The following IGSF11 variants were observed in gnomAD, a reference collection of about 807,000 sequenced individuals.
The protein encoded by IGSF11 is immunoglobulin superfamily member 11.
IGSF11 carries 22 observed loss-of-function variants against 41.0 expected under a neutral mutation model. The ratio of observed to expected loss-of-function variants is 0.54; its 90% CI spans 0.38 to 0.77. The LOEUF (loss-of-function observed/expected upper bound fraction) is 0.77. IGSF11 is among the 30% of genes least tolerant of loss of function. IGSF11 has a pLI of 0.00. For missense variants in IGSF11, 444 were observed against 530.8 expected, an observed-to-expected ratio of 0.84 and a Z score of 1.61; for synonymous variants, 219 against 201.3, an observed-to-expected ratio of 1.09 and a Z score of -0.74.
At position 118,904,744 on chromosome 3, in the gene IGSF11, A is replaced by G. The variant is rs1363031775; in HGVS notation, c.758T>C (p.Ile253Thr). 6.2e-7 allele frequency: 1 copy of G among 1,613,784 alleles called. No individual in the cohort carries two copies. Among genetic ancestry groups the G allele is most frequent in the Middle Eastern group, 1.7e-4 (1 of 6,060 alleles). ...AATTAGTGCAATGCAAAAAATGATA[A>G]TAACTGCACCAGTGCCAATGGCTCC... is the stretch of plus-strand genomic sequence containing the variant. ...IAGAIGTGAVIIIFCIALILG... is the reference protein window; with the variant it reads ...IAGAIGTGAVTIIFCIALILG... Residue 253 changes from isoleucine to threonine, a missense_variant, in exon 6 of 7, where the codon ATT (isoleucine) becomes ACT (threonine). Ile to Thr is a moderately conservative substitution (Grantham distance 89). Coordinates refer to ENST00000393775, the MANE Select transcript of IGSF11 (RefSeq NM_001015887.3).
chr3:119,069,221 C>A (rs1329968708), intron 1 of IGSF11, among the ~76,000 whole-genome samples: 1 of 152,112 alleles, frequency 6.6e-6, no homozygotes, highest in Non-Finnish European at 1.5e-5. Flanking sequence ...AGCCACTGTG[C>A]CTGGCCAACA....
chr3:118,959,851 T>TC (rs981807278), intron 1 of IGSF11, among the ~76,000 whole-genome samples: 1 of 151,722 alleles, frequency 6.6e-6, no homozygotes, highest in Non-Finnish European at 1.5e-5. Context: ...ATCGAGACCA[T>TC]CCTGGCTAAA....
chr3:119,106,129 C>T (rs1009332840), upstream of IGSF11, among the ~76,000 whole-genome samples: 5 of 152,182 alleles, frequency 3.3e-5, no homozygotes, highest in Admixed American at 2.6e-4. Context: ...TATTTTGATA[C>T]AGGCATACAA....
At chr3:118,955,558 C>T (rs1460841081) in intron 1 of IGSF11, among the ~76,000 whole-genome samples, 1 of 152,102 alleles carries the variant, frequency 6.6e-6, no homozygotes, top group East Asian at 1.9e-4. Flanking sequence ...TTGTACAGCT[C>T]CATCAGCACT....
intron 1 of IGSF11, among the ~76,000 whole-genome samples, chr3:118,958,271 G>GA (rs1344664774): frequency 1.3e-5 from 2 of 152,100 alleles, no homozygotes; most frequent in Non-Finnish European, 2.9e-5. Context: ...TTCCATAAAA[G>GA]AAGAAAGAAA....
At chr3:119,111,877 G>A (rs1429406087) in intron 1 of IGSF11, among the ~76,000 whole-genome samples, 9 of 152,208 alleles carry the variant, frequency 5.9e-5, no homozygotes, top group Non-Finnish European at 1.2e-4. Flanking sequence ...GTTTGCCTGG[G>A]TATCAGCAGC....
intron 1 of IGSF11, among the ~76,000 whole-genome samples, chr3:119,025,698 T>C (rs1204670724): frequency 6.6e-6 from 1 of 151,910 alleles, no homozygotes; most frequent in Admixed American, 6.5e-5. Flanking sequence ...TCAGACATAC[T>C]GGGTTTGAAT....
chr3:118,916,560 T>A (rs1419302366), intron 4 of IGSF11, among the ~76,000 whole-genome samples: 1 of 151,090 alleles, frequency 6.6e-6, no homozygotes, highest in Non-Finnish European at 1.5e-5. Context: ...GAGCTAACTA[T>A]CCTAAATATA....
intron 1 of IGSF11, among the ~76,000 whole-genome samples, chr3:118,999,872 A>G (rs927451327): frequency 6.6e-6 from 1 of 152,150 alleles, no homozygotes; most frequent in Non-Finnish European, 1.5e-5. Context: ...AGAACAAAGC[A>G]AGATGACTAG....
At chr3:119,010,001 TTAA>T (rs1281222127) in intron 1 of IGSF11, among the ~76,000 whole-genome samples, 2 of 152,006 alleles carry the variant, frequency 1.3e-5, no homozygotes, top group African/African-American at 2.4e-5. Flanking sequence ...TTTAATAAAA[TTAA>T]TAATCAGAAT....
chr3:118,965,854 T>C lies in IGSF11; in HGVS notation c.53-35579A>G, dbSNP rs530424567. Among the ~76,000 whole-genome samples, 4 of 152,286 alleles carry C rather than the reference T, an allele frequency of 2.6e-5. No homozygotes were observed. In the South Asian group the frequency reaches 6.2e-4, roughly 24 times the overall value. On this transcript the variant is annotated intron_variant, in intron 1 of 6. Coordinates refer to ENST00000393775, the MANE Select transcript of IGSF11 (RefSeq NM_001015887.3). ...ACATGTTTACTGCATAGTAATAAAA[T>C]GTCATTTTAGAGGGATGAAAGAAAG...
rs548790271 is a variant in IGSF11 at position 119,132,015 on chromosome 3, A to G, written c.-14+13798T>C. Among the ~76,000 whole-genome samples the G allele has an allele frequency of 2.3e-3, 353 of 152,324 alleles. 1 individual carries two copies. Among genetic ancestry groups the G allele is most frequent in the Non-Finnish European group, 4.3e-3 (293 of 68,032 alleles). On this transcript the variant is annotated intron_variant, in intron 1 of 7. Coordinates refer to the IGSF11 transcript ENST00000425327. ...CAAGCAAATGCTGAGAGATTTTGTC[A>G]CCACCAGGCCTACCTTACAAGAGCT...
At chr3:119,032,073 TAAG>T (rs1272669059) in intron 1 of IGSF11, among the ~76,000 whole-genome samples, 5 of 152,118 alleles carry the variant, frequency 3.3e-5, no homozygotes, top group Non-Finnish European at 5.9e-5. Context: ...AAAATAACAA[TAAG>T]AAAACAGAAT....
intron 1 of IGSF11, among the ~76,000 whole-genome samples, chr3:118,937,158 G>A (rs542793399): frequency 6.6e-6 from 1 of 152,296 alleles, no homozygotes; most frequent in East Asian, 1.9e-4. Context: ...GGAGGCCTAT[G>A]TTATCCTTCT....
At position 119,034,571 on chromosome 3, in the gene IGSF11, C is replaced by T. The variant is rs1309183619; in HGVS notation, c.12G>A (p.Gln4=). MTS[Q]RSPLAPLLLL... ...GCAGCAAAGGCGCCAGAGGGGAACG[C>T]TGAGAAGTCATCCCGGGGCCGCAGG... is the stretch of plus-strand genomic sequence containing the variant. The change falls in exon 1 of 7, where the codon CAG becomes CAA. Residue 4 remains glutamine, a synonymous_variant. Transcript: ENST00000393775. 2.5e-6 allele frequency: 4 copies of T among 1,591,612 alleles called. No homozygotes were observed. Among genetic ancestry groups the T allele is most frequent in the East Asian group, 2.3e-5 (1 of 42,756 alleles).
intron 1 of IGSF11, among the ~76,000 whole-genome samples, chr3:119,021,255 A>C (rs1222201752): frequency 6.6e-6 from 1 of 152,182 alleles, no homozygotes; most frequent in Non-Finnish European, 1.5e-5. Flanking sequence ...ATTACTATAT[A>C]ATAGAAAAAT....
intron 1 of IGSF11, among the ~76,000 whole-genome samples, chr3:119,072,276 T>C (rs944785007): frequency 2.0e-5 from 3 of 152,184 alleles, no homozygotes; most frequent in Non-Finnish European, 2.9e-5. Context: ...TCAGAAACTG[T>C]CCCCAAATCA....
In IGSF11 at chr3:118,927,881, A is replaced by G. The variant is rs1224366458; in HGVS notation, c.424+628T>C. Reference sequence around the variant, plus strand: ...CAGTCTAACAACATGGTGTAATGGAAAGAGTGCTGGTTTGAGTAAGGAGAT... The same window carrying G: ...CAGTCTAACAACATGGTGTAATGGAGAGAGTGCTGGTTTGAGTAAGGAGAT... On this transcript the variant is annotated intron_variant, in intron 3 of 6. Coordinates refer to ENST00000393775, the MANE Select transcript of IGSF11 (RefSeq NM_001015887.3). 2.6e-5 allele frequency among the ~76,000 whole-genome samples: 4 copies of G among 152,336 alleles called. No individual in the cohort carries two copies. The South Asian group carries it at 8.3e-4, about 32-fold the overall frequency.
intron 1 of IGSF11, among the ~76,000 whole-genome samples, chr3:118,938,472 C>A (rs1943444493): frequency 6.6e-6 from 1 of 152,162 alleles, no homozygotes; most frequent in Admixed American, 6.5e-5. Flanking sequence ...ATGTTTGCAA[C>A]CCCTTATTTA....
Sources: gnomAD v4.1 joint callset for allele counts (sites outside exome capture counted in the v4.1 genomes callset) on GRCh38, gnomAD v4.1.1 for gene constraint, MANE v1.5 for transcripts, NCBI Gene and HGNC (gene_info 2026-07-23, HGNC 2026-07-21) for gene names.